PEX5L: variants seen among roughly 807,000 people sequenced by gnomAD.
PEX5L encodes peroxisomal biogenesis factor 5 like, also known as PEX5-related protein.
A neutral mutation model predicts 84.0 loss-of-function variants in PEX5L; 30 were observed. The ratio of observed to expected loss-of-function variants is 0.36; its 90% CI spans 0.27 to 0.48. The LOEUF (loss-of-function observed/expected upper bound fraction) is 0.48, where lower values mean the gene tolerates loss of function less well. Ranked by LOEUF, PEX5L falls within the 20% of genes least tolerant of loss-of-function variation. The probability of loss-of-function intolerance (pLI) is 0.99; values close to 1 mark genes in which losing one functional copy is unlikely to be tolerated. For missense variants in PEX5L, 533 were observed against 754.6 expected, an observed-to-expected ratio of 0.71 and a Z score of 3.44; for synonymous variants, 270 against 283.1, an observed-to-expected ratio of 0.95 and a Z score of 0.46.
chr3:179,842,111 T>C lies in PEX5L; in HGVS notation c.822+16951A>G, dbSNP rs372449011. Among the ~76,000 whole-genome samples, 53 of 152,330 alleles carry C rather than the reference T, an allele frequency of 3.5e-4. 1 individual carries two copies. In the East Asian group the frequency reaches 6.7e-3, roughly 19 times the overall value. On this transcript the variant is annotated intron_variant, in intron 8 of 14. Coordinates refer to ENST00000467460, the MANE Select transcript of PEX5L (RefSeq NM_016559.3). ...TTTGCTGGATCACAATGCTGCTCAA[T>C]TGATCTCATTTTAACAATGGGGTAA...
chr3:180,016,456 T>C (rs1283920691), intron 1 of PEX5L, among the ~76,000 whole-genome samples: 1 of 152,238 alleles, frequency 6.6e-6, no homozygotes, highest in East Asian at 1.9e-4. Flanking sequence ...ACAGTTCACC[T>C]ATCTCTGCAA....
chr3:179,847,258 A>G (rs1335382615), intron 8 of PEX5L, among the ~76,000 whole-genome samples: 2 of 152,090 alleles, frequency 1.3e-5, no homozygotes, highest in African/African-American at 4.8e-5. Flanking sequence ...ATATATAGAT[A>G]ACTGTATATT....
At chr3:179,826,635 T>C (rs1730603658) in intron 8 of PEX5L, among the ~76,000 whole-genome samples, 1 of 151,940 alleles carries the variant, frequency 6.6e-6, no homozygotes, top group South Asian at 2.1e-4. Flanking sequence ...GGTCTTGGGG[T>C]TTGAATCTTG....
chr3:179,828,666 T>C (rs1731462474), intron 8 of PEX5L, among the ~76,000 whole-genome samples: 1 of 148,740 alleles, frequency 6.7e-6, no homozygotes, highest in Non-Finnish European at 1.5e-5. Flanking sequence ...TATGTGTATG[T>C]GTGTGTGTGT....
rs560509684 is a variant in PEX5L at position 179,862,406 on chromosome 3, C to A, written c.727-3249G>T. On this transcript the variant is annotated intron_variant, in intron 7 of 14. Coordinates refer to ENST00000467460, the MANE Select transcript of PEX5L (RefSeq NM_016559.3). Reference sequence around the variant, plus strand: ...TATAAAGGGGAAGACAGTTCACAACCTTTTAGGATTAAGTCGTTAGGATGC... The same window carrying A: ...TATAAAGGGGAAGACAGTTCACAACATTTTAGGATTAAGTCGTTAGGATGC... 2.0e-5 allele frequency among the ~76,000 whole-genome samples: 3 copies of A among 152,292 alleles called. No homozygotes were observed. In the South Asian group the frequency reaches 6.2e-4, roughly 32 times the overall value.
At chr3:179,856,205 G>C (rs948090243) in intron 8 of PEX5L, among the ~76,000 whole-genome samples, 4 of 152,178 alleles carry the variant, frequency 2.6e-5, no homozygotes, top group Non-Finnish European at 5.9e-5. Context: ...CATAAGCCAT[G>C]TAATTTTCCT....
At chr3:179,974,031 C>G in intron 1 of PEX5L, 2 of 985,406 alleles carry the variant, frequency 2.0e-6, no homozygotes, top group South Asian at 4.7e-5. Context: ...ATTTCTAGTG[C>G]GAGCATAATC....
intron 8 of PEX5L, among the ~76,000 whole-genome samples, chr3:179,835,152 G>T (rs1206994856): frequency 6.6e-6 from 1 of 152,156 alleles, no homozygotes; most frequent in Non-Finnish European, 1.5e-5. Context: ...GACCTCAAGG[G>T]TCTCACAATC....
chr3:179,996,210 G>T (rs1787876787), intron 1 of PEX5L, among the ~76,000 whole-genome samples: 1 of 152,202 alleles, frequency 6.6e-6, no homozygotes, highest in Middle Eastern at 3.4e-3. Flanking sequence ...AGGGTGAGGA[G>T]GTGTGCTACA....
intron 2 of PEX5L, among the ~76,000 whole-genome samples, chr3:179,930,173 T>C (rs568698585): frequency 6.6e-6 from 1 of 152,216 alleles, no homozygotes; most frequent in Non-Finnish European, 1.5e-5. Context: ...TTCTGGTGAT[T>C]CTGATGCCTG....
chr3:179,955,443 T>C (rs1215271705), intron 2 of PEX5L, among the ~76,000 whole-genome samples: 4 of 151,846 alleles, frequency 2.6e-5, no homozygotes, highest in African/African-American at 4.8e-5. Context: ...ACTTTTTTTT[T>C]TTTGCTGAAG....
In PEX5L at chr3:179,932,222, A is replaced by T. The variant is rs531639081; in HGVS notation, c.94-33976T>A. ...GGAGCAGGGGAAAAATAGGGTTCAA[A>T]ACCTCAGGTATAGTATAGTCCTTTT... On this transcript the variant is annotated intron_variant, in intron 2 of 14. Transcript: ENST00000467460. Among the ~76,000 whole-genome samples, 3 of 152,214 alleles carry T rather than the reference A, an allele frequency of 2.0e-5. No individual in the cohort carries two copies. The East Asian group carries it at 5.8e-4, about 29-fold the overall frequency.
At chr3:179,972,905 G>A (rs952593380) in intron 1 of PEX5L, among the ~76,000 whole-genome samples, 1 of 151,708 alleles carries the variant, frequency 6.6e-6, no homozygotes. Context: ...ATATATTAAT[G>A]AACTTAGCCA....
intron 7 of PEX5L, among the ~76,000 whole-genome samples, chr3:179,863,824 T>A (rs2108584594): frequency 6.6e-6 from 1 of 152,244 alleles, no homozygotes; most frequent in African/African-American, 2.4e-5. Flanking sequence ...ATTCCACTAC[T>A]GGGTATATAT....
At chr3:180,013,615 T>C (rs1789674954) in intron 1 of PEX5L, among the ~76,000 whole-genome samples, 1 of 152,170 alleles carries the variant, frequency 6.6e-6, no homozygotes. Flanking sequence ...ATTGATGGCA[T>C]TGCCAGAGAG....
chr3:179,900,735 C>G, intron 2 of PEX5L: 1 of 1,534,690 alleles, frequency 6.5e-7, no homozygotes, highest in Non-Finnish European at 8.7e-7. Context: ...ACACCTACTA[C>G]CTGAAAAGAG....
intron 1 of PEX5L, 82 bp downstream of exon 1, chr3:180,036,497 C>A: frequency 7.5e-7 from 1 of 1,326,758 alleles, no homozygotes; most frequent in South Asian, 1.2e-5. Context: ...GAAGGCAGCA[C>A]TTGACCACAG....
At chr3:179,956,527 G>C (rs377299236) in intron 2 of PEX5L, among the ~76,000 whole-genome samples, 4 of 151,974 alleles carry the variant, frequency 2.6e-5, no homozygotes, top group Non-Finnish European at 4.4e-5. Flanking sequence ...TACCCTAGTG[G>C]ATATATATAT....
chr3:180,023,361 G>C (rs1486017403), intron 1 of PEX5L, among the ~76,000 whole-genome samples: 1 of 152,106 alleles, frequency 6.6e-6, no homozygotes, highest in African/African-American at 2.4e-5. Flanking sequence ...GCTATATCAG[G>C]GATAGCTTTA....
Sources: gnomAD v4.1 joint callset for allele counts (sites outside exome capture counted in the v4.1 genomes callset) on GRCh38, gnomAD v4.1.1 for gene constraint, MANE v1.5 for transcripts, NCBI Gene and HGNC (gene_info 2026-07-23, HGNC 2026-07-21) for gene names.